The following CDC42BPB variants were observed in gnomAD, a reference collection of about 807,000 sequenced individuals.
CDC42BPB encodes serine/threonine-protein kinase MRCK beta.
In CDC42BPB, 37 loss-of-function variants were observed where a neutral mutation model predicts 214.9. That is an observed-to-expected ratio of 0.17 (90% confidence interval 0.13 to 0.23). CDC42BPB has a LOEUF of 0.23. Among genes scored for constraint, CDC42BPB ranks in the 10% least tolerant of loss-of-function variants. The pLI is 1.00. For missense variants in CDC42BPB, 1,694 were observed against 2,227.0 expected, an observed-to-expected ratio of 0.76 and a Z score of 4.82; for synonymous variants, 931 against 884.0, an observed-to-expected ratio of 1.05 and a Z score of -0.94.
At chr14:103,026,546 CA>C (rs1004553039) in intron 1 of CDC42BPB, among the ~76,000 whole-genome samples, 2 of 151,616 alleles carry the variant, frequency 1.3e-5, no homozygotes, top group Non-Finnish European at 2.9e-5. Flanking sequence ...CAAACCTGAA[CA>C]AAAAAATGTT....
chr14:102,948,672 AGTGGGG>A (rs1176751261), intron 26 of CDC42BPB, among the ~76,000 whole-genome samples: 2 of 27,050 alleles, frequency 7.4e-5, no homozygotes, highest in Non-Finnish European at 1.4e-4. Flanking sequence ...GGGGTGAGGG[AGTGGGG>A]GTGGGTGTGG....
At chr14:103,056,876 C>T (rs1889008322) in intron 1 of CDC42BPB, 123 bp downstream of exon 1, 1 of 611,984 alleles carries the variant, frequency 1.6e-6, no homozygotes. Context: ...GCGAAGCCCA[C>T]GAGCTGGGTG....
chr14:102,957,767 C>T (rs1482782357), intron 21 of CDC42BPB, among the ~76,000 whole-genome samples: 1 of 152,190 alleles, frequency 6.6e-6, no homozygotes, highest in Non-Finnish European at 1.5e-5. Flanking sequence ...AGGGAGGCTG[C>T]TACGGGCAGA....
chr14:103,037,377 C>T (rs908325796), intron 1 of CDC42BPB, among the ~76,000 whole-genome samples: 1 of 152,042 alleles, frequency 6.6e-6, no homozygotes, highest in African/African-American at 2.4e-5. Context: ...ACTGCAGCTT[C>T]GACCTCCCCA....
intron 5 of CDC42BPB, among the ~76,000 whole-genome samples, chr14:102,987,168 C>A (rs558929762): frequency 6.6e-6 from 1 of 152,210 alleles, no homozygotes; most frequent in Non-Finnish European, 1.5e-5. Context: ...CCCATACCCC[C>A]AAAACTGCAC....
At chr14:102,952,419 C>T (rs1595460548) in intron 24 of CDC42BPB, 79 bp downstream of exon 24, 1 of 873,302 alleles carries the variant, frequency 1.1e-6, no homozygotes, top group East Asian at 2.6e-5. Flanking sequence ...ATCAGGGCTG[C>T]CCTGGAGCCG....
In CDC42BPB at chr14:102,983,452, A is replaced by G. The variant is rs1007750959; in HGVS notation, c.891+104T>C. On this transcript the variant is annotated intron_variant, in intron 7 of 36. Transcript: ENST00000361246. ...TCCAAACCCCGTCACCTCTTCCTCA[A>G]CTACTCGCGTTGCTTCCTAACGGAT... is the stretch of plus-strand genomic sequence containing the variant. The G allele has an allele frequency of 2.6e-6, 4 of 1,514,528 alleles. No homozygotes were observed. The African/African-American group carries it at 4.2e-5, about 16-fold the overall frequency. The allele number at this position is 1,514,528 out of a possible 1,614,324, so 93.8% of individuals were successfully genotyped here. A position where few individuals can be genotyped will look rare whatever the true frequency, so the allele number is the denominator to read the frequency against.
intron 1 of CDC42BPB, among the ~76,000 whole-genome samples, chr14:103,026,870 T>C (rs1345472431): frequency 7.5e-6 from 1 of 132,722 alleles, no homozygotes; most frequent in Admixed American, 7.6e-5. Flanking sequence ...TCCGTCTCAT[T>C]AAAAAAAAAA....
In CDC42BPB at chr14:102,976,156, A is replaced by T. The variant is rs1471180499; in HGVS notation, c.1221-107T>A. 3 of 1,510,970 alleles carry T rather than the reference A, an allele frequency of 2.0e-6. No individual in the cohort carries two copies. In the African/African-American group the frequency reaches 4.2e-5, roughly 21 times the overall value. 93.6% of individuals were successfully genotyped at this position (1,510,970 alleles called of 1,614,324 possible). A position where few individuals can be genotyped will look rare whatever the true frequency, so the allele number is the denominator to read the frequency against. On this transcript the variant is annotated intron_variant, in intron 9 of 36. Transcript: ENST00000361246. ...AGATAGTCTTTTTAAATCAGCAAAC[A>T]AAAACACCTGAGATAAGACTTTATG...
chr14:103,043,969 A>G (rs1888151189), intron 1 of CDC42BPB, among the ~76,000 whole-genome samples: 1 of 152,218 alleles, frequency 6.6e-6, no homozygotes, highest in Non-Finnish European at 1.5e-5. Flanking sequence ...GTTTTGAGAA[A>G]TATTTCTTGT....
At position 102,964,493 on chromosome 14, in the gene CDC42BPB, A is replaced by G. The variant is rs1893103230; in HGVS notation, c.2726+9T>C. ...CTCCTACCTGGAGTCAGACCCTGGC[A>G]CCAAGTACCTTTCCAAGGTGAGGTT... On this transcript the variant is annotated intron_variant, in intron 19 of 36. Transcript: ENST00000361246. 6.2e-7 allele frequency: 1 copy of G among 1,613,028 alleles called. No homozygotes were observed. The highest frequency in any genetic ancestry group is 2.2e-5 in the East Asian group (1 of 44,854).
At chr14:102,956,027 A>G (rs150474175) in intron 21 of CDC42BPB, among the ~76,000 whole-genome samples, 67 of 152,378 alleles carry the variant, frequency 4.4e-4, no homozygotes, top group African/African-American at 1.6e-3. Context: ...ATGTAAGCAA[A>G]TCTGCCCCAT....
chr14:102,998,893 G>A (rs1894858965), intron 5 of CDC42BPB, among the ~76,000 whole-genome samples: 1 of 151,934 alleles, frequency 6.6e-6, no homozygotes, highest in South Asian at 2.1e-4. Context: ...TGAGCCCCAG[G>A]GAGCACAGGC....
intron 1 of CDC42BPB, among the ~76,000 whole-genome samples, chr14:103,025,806 CAA>C (rs1192104898): frequency 1.5e-4 from 12 of 78,838 alleles, no homozygotes; most frequent in African/African-American, 1.4e-4. Flanking sequence ...GACTCTGTCT[CAA>C]AAAAAAAAAA....
intron 5 of CDC42BPB, among the ~76,000 whole-genome samples, chr14:102,988,997 T>A (rs1445811105): frequency 1.3e-5 from 2 of 150,424 alleles, no homozygotes; most frequent in Non-Finnish European, 3.0e-5. Flanking sequence ...ATGAACCACA[T>A]CAAAAAACAA....
Position 102,994,964 on chromosome 14 carries a change from C to T in CDC42BPB, c.596+4601G>A, listed in dbSNP as rs1368801239. 2.6e-5 allele frequency among the ~76,000 whole-genome samples: 4 copies of T among 152,230 alleles called. No individual in the cohort carries two copies. In the East Asian group the frequency reaches 5.8e-4, roughly 22 times the overall value. ...AGAGCCACTCTGACCGCCAGATCTT[C>T]TCTCCGAGGTTTTCTTTTCTTTTTT... On this transcript the variant is annotated intron_variant, in intron 5 of 36. Coordinates refer to ENST00000361246, the MANE Select transcript of CDC42BPB (RefSeq NM_006035.4).
chr14:102,997,407 C>A (rs1397095931), intron 5 of CDC42BPB, among the ~76,000 whole-genome samples: 1 of 152,160 alleles, frequency 6.6e-6, no homozygotes, highest in African/African-American at 2.4e-5. Flanking sequence ...ACACGCGCTA[C>A]CAAGCCAAAC....
chr14:102,933,625 T>G lies in CDC42BPB; in HGVS notation c.*87A>C. 9.4e-7 allele frequency: 1 copy of G among 1,061,910 alleles called. No individual in the cohort carries two copies. Among genetic ancestry groups the G allele is most frequent in the African/African-American group, 1.7e-5 (1 of 59,812 alleles). The allele number at this position is 1,061,910 out of a possible 1,614,324, so 65.8% of individuals were successfully genotyped here. On this transcript the variant is annotated 3_prime_UTR_variant, in exon 37 of 37. Transcript: ENST00000361246. ...TCTACAAAGTGATTCTACATTTCCT[T>G]GGACAACACTGGAGGGCCCGCTCAG...
intron 28 of CDC42BPB, 38 bp from the exon 29 acceptor site, chr14:102,945,762 G>C: frequency 6.3e-7 from 1 of 1,591,956 alleles, no homozygotes; most frequent in Non-Finnish European, 8.6e-7. Flanking sequence ...AGTCAGTACA[G>C]CCGACCGTGA....
Sources: allele counts gnomAD v4.1 joint callset (sites outside exome capture counted in the v4.1 genomes callset), GRCh38; gene constraint gnomAD v4.1.1; transcripts MANE v1.5; gene names NCBI Gene and HGNC (gene_info 2026-07-23, HGNC 2026-07-21).